CACNA2D1: variants seen among roughly 807,000 people sequenced by gnomAD.
CACNA2D1 encodes the protein voltage-dependent calcium channel subunit alpha-2/delta-1.
CACNA2D1 carries 53 observed loss-of-function variants against 171.5 expected under a neutral mutation model. The ratio of observed to expected loss-of-function variants is 0.31; its 90% CI spans 0.25 to 0.39. The LOEUF is 0.39. CACNA2D1 is among the 10% of genes least tolerant of loss of function. CACNA2D1 has a pLI of 1.00. For synonymous variants in CACNA2D1, 442 were observed against 443.1 expected, an observed-to-expected ratio of 1.00 and a Z score of 0.03; for missense variants, 903 against 1,299.8, an observed-to-expected ratio of 0.69 and a Z score of 4.69.
chr7:82,307,599 G>A (rs531493467), intron 3 of CACNA2D1, among the ~76,000 whole-genome samples: 11 of 151,620 alleles, frequency 7.3e-5, no homozygotes, highest in Non-Finnish European at 1.3e-4. Flanking sequence ...ACATTTTGGG[G>A]TACCCATTTG....
intron 5 of CACNA2D1, among the ~76,000 whole-genome samples, chr7:82,134,932 T>C (rs906666979): frequency 6.6e-6 from 1 of 152,142 alleles, no homozygotes; most frequent in African/African-American, 2.4e-5. Flanking sequence ...TGATAGTTAC[T>C]AAAAAGTCAT....
intron 1 of CACNA2D1, among the ~76,000 whole-genome samples, chr7:82,360,221 C>A (rs1205373075): frequency 6.6e-6 from 1 of 152,084 alleles, no homozygotes; most frequent in Non-Finnish European, 1.5e-5. Flanking sequence ...ACTGTCATAG[C>A]CCTAGGTTCA....
chr7:82,060,328 T>C, intron 10 of CACNA2D1, 100 bp downstream of exon 10: 1 of 743,940 alleles, frequency 1.3e-6, no homozygotes, highest in East Asian at 2.9e-5. Flanking sequence ...ATATCAAAAA[T>C]GTCTCAGCCT....
At chr7:82,288,512 T>C (rs1418914390) in intron 3 of CACNA2D1, among the ~76,000 whole-genome samples, 1 of 152,054 alleles carries the variant, frequency 6.6e-6, no homozygotes, top group African/African-American at 2.4e-5. Context: ...TACATTCTGT[T>C]GAGTCATCCA....
chr7:82,186,747 A>G (rs1037533874), intron 3 of CACNA2D1, among the ~76,000 whole-genome samples: 2 of 152,196 alleles, frequency 1.3e-5, no homozygotes, highest in African/African-American at 4.8e-5. Context: ...TCTAGTAGCA[A>G]TTATAATAGC....
At chr7:82,345,373 G>A (rs1431265773) in intron 2 of CACNA2D1, among the ~76,000 whole-genome samples, 1 of 152,074 alleles carries the variant, frequency 6.6e-6, no homozygotes, top group Non-Finnish European at 1.5e-5. Flanking sequence ...GAAGTTCTAT[G>A]GCAATGCCAC....
intron 3 of CACNA2D1, among the ~76,000 whole-genome samples, chr7:82,247,330 C>T (rs1426785115): frequency 5.3e-5 from 8 of 151,762 alleles, no homozygotes; most frequent in Non-Finnish European, 1.2e-4. Context: ...GGCAACATGG[C>T]AAAACCCTGT....
chr7:82,405,412 G>T (rs571528798), intron 1 of CACNA2D1, among the ~76,000 whole-genome samples: 1 of 152,200 alleles, frequency 6.6e-6, no homozygotes, highest in South Asian at 2.1e-4. Context: ...ATACCAATGG[G>T]ATCACACTTA....
chr7:82,157,182 T>C (rs952923891), intron 4 of CACNA2D1, among the ~76,000 whole-genome samples: 5 of 152,136 alleles, frequency 3.3e-5, no homozygotes, highest in African/African-American at 1.2e-4. Flanking sequence ...CAACAGAGCA[T>C]GGCTCAAGAT....
At chr7:82,403,531 A>C (rs993664994) in intron 1 of CACNA2D1, among the ~76,000 whole-genome samples, 3 of 152,140 alleles carry the variant, frequency 2.0e-5, no homozygotes, top group African/African-American at 7.2e-5. Context: ...GGGTAGCAAA[A>C]TCATGTAGCA....
chr7:82,045,916 G>A (rs936773646), intron 10 of CACNA2D1, among the ~76,000 whole-genome samples: 2 of 151,998 alleles, frequency 1.3e-5, no homozygotes, highest in Non-Finnish European at 2.9e-5. Context: ...ATTCCCTGAC[G>A]CACTTTTCTC....
intron 1 of CACNA2D1, among the ~76,000 whole-genome samples, chr7:82,413,812 A>G (rs1008465616): frequency 7.2e-5 from 11 of 152,144 alleles, no homozygotes; most frequent in African/African-American, 2.7e-4. Context: ...AATGCTTATT[A>G]AATTATTTGA....
intron 1 of CACNA2D1, 26 bp downstream of exon 1, chr7:82,443,339 G>A: frequency 1.3e-6 from 2 of 1,584,762 alleles, no homozygotes; most frequent in East Asian, 2.3e-5. Flanking sequence ...CTCGGCCGGC[G>A]CTCCCTGCCC....
In CACNA2D1 at chr7:81,969,960, G is replaced by A. The variant is rs1403238114; in HGVS notation, c.2229C>T (p.Asn743=). 2 of 1,607,530 alleles carry A rather than the reference G, an allele frequency of 1.2e-6. No homozygotes were observed. Among genetic ancestry groups the A allele is most frequent in the South Asian group, 2.2e-5 (2 of 90,920 alleles). ...PKEAGENWQE[N]PETYEDSFYK... is the part of the protein sequence containing the mutation. ...AGAAGCTGTCCTCATATGTCTCTGG[G>A]TTTTCTTGCCAATTTTCTCCAGCCC... The change falls in exon 28 of 39, where the codon AAC becomes AAT. Residue 743 remains asparagine (N), a synonymous_variant. Coordinates refer to ENST00000356860, the MANE Select transcript of CACNA2D1 (RefSeq NM_000722.4).
intron 20 of CACNA2D1, among the ~76,000 whole-genome samples, chr7:81,992,078 C>T (rs906998850): frequency 2.6e-5 from 4 of 151,026 alleles, no homozygotes; most frequent in Non-Finnish European, 5.9e-5. Flanking sequence ...CTCCTGACCT[C>T]GTGATCCACC....
chr7:82,155,730 T>G (rs1794315827), intron 4 of CACNA2D1, among the ~76,000 whole-genome samples: 1 of 152,140 alleles, frequency 6.6e-6, no homozygotes, highest in Non-Finnish European at 1.5e-5. Context: ...AGCATAATGC[T>G]GATGACATTT....
At chr7:81,998,548 A>T (rs1798278871) in intron 18 of CACNA2D1, among the ~76,000 whole-genome samples, 1 of 152,028 alleles carries the variant, frequency 6.6e-6, no homozygotes, top group South Asian at 2.1e-4. Context: ...TCAAAGAGTA[A>T]TTCCACCTAA....
At chr7:82,244,652 C>CA (rs575487948) in intron 3 of CACNA2D1, among the ~76,000 whole-genome samples, 3 of 151,778 alleles carry the variant, frequency 2.0e-5, no homozygotes, top group Middle Eastern at 3.4e-3. Context: ...AGCAAAAAAA[C>CA]AAAAAAAGCA....
intron 1 of CACNA2D1, among the ~76,000 whole-genome samples, chr7:82,418,012 T>C (rs999834918): frequency 1.9e-4 from 29 of 152,210 alleles, no homozygotes; most frequent in African/African-American, 7.0e-4. Flanking sequence ...CAAGCTGCTA[T>C]AAAGAACTGC....
Sources: allele counts gnomAD v4.1 joint callset (sites outside exome capture counted in the v4.1 genomes callset), GRCh38; gene constraint gnomAD v4.1.1; transcripts MANE v1.5; gene names NCBI Gene and HGNC (gene_info 2026-07-23, HGNC 2026-07-21).